Variants in CCNY observed in about 807,000 individuals in gnomAD.
The protein encoded by CCNY is cyclin Y, also known as cyclin-Y.
Under a neutral mutation model 42.8 loss-of-function variants are expected in CCNY, and 19 were observed. The ratio of observed to expected loss-of-function variants is 0.44; its 90% CI spans 0.31 to 0.65. The LOEUF is 0.65. Among genes scored for constraint, CCNY ranks in the 30% least tolerant of loss-of-function variants. CCNY has a pLI of 0.07. For missense variants in CCNY, 370 were observed against 437.3 expected (o/e 0.85, Z 1.37); for synonymous variants, 165 against 162.7 (o/e 1.01, Z -0.11).
chr10:35,297,206 C>T (rs994302685), intron 3 of CCNY, among the ~76,000 whole-genome samples: 3 of 151,394 alleles, frequency 2.0e-5, no homozygotes, highest in African/African-American at 4.9e-5. Context: ...GTTCAACACA[C>T]GGAAATCAAT....
At chr10:35,502,537 A>T (rs1840131919) in intron 3 of CCNY, among the ~76,000 whole-genome samples, 1 of 152,222 alleles carries the variant, frequency 6.6e-6, no homozygotes, top group African/African-American at 2.4e-5. Flanking sequence ...ACATGATGCT[A>T]CGCCCTTAGG....
chr10:35,520,795 G>A (rs1488652731), intron 4 of CCNY, among the ~76,000 whole-genome samples: 4 of 152,130 alleles, frequency 2.6e-5, no homozygotes, highest in Non-Finnish European at 4.4e-5. Context: ...TCCCCTAAAT[G>A]CCAACAGCTG....
chr10:35,553,893 G>C (rs1421762848), intron 8 of CCNY, among the ~76,000 whole-genome samples: 1 of 152,152 alleles, frequency 6.6e-6, no homozygotes, highest in African/African-American at 2.4e-5. Flanking sequence ...CTAGGGACTG[G>C]GAATCCAGGA....
chr10:35,331,895 T>C (rs1835948601), upstream of CCNY, among the ~76,000 whole-genome samples: 1 of 151,114 alleles, frequency 6.6e-6, no homozygotes, highest in African/African-American at 2.4e-5. Flanking sequence ...TGCTGGAAAC[T>C]TGTTCTTGTG....
intron 1 of CCNY, among the ~76,000 whole-genome samples, chr10:35,410,090 A>G (rs1589101540): frequency 6.6e-6 from 1 of 152,222 alleles, no homozygotes; most frequent in East Asian, 1.9e-4. Context: ...AAGCAAAGGA[A>G]GGAAAAATAT....
At chr10:35,452,488 T>G (rs1176979514) in intron 1 of CCNY, among the ~76,000 whole-genome samples, 1 of 152,234 alleles carries the variant, frequency 6.6e-6, no homozygotes, top group Non-Finnish European at 1.5e-5. Context: ...AATGAAACAG[T>G]ATTCCTATTC....
chr10:35,362,892 C>G (rs998986670), intron 1 of CCNY, among the ~76,000 whole-genome samples: 7 of 151,440 alleles, frequency 4.6e-5, no homozygotes, highest in African/African-American at 1.7e-4. Context: ...GTACTCCTTG[C>G]TTCCCAGATA....
rs569411532 is a variant in CCNY, at chr10:35,249,963, G to A, written c.-113-559G>A. The stretch of plus-strand genomic sequence containing the variant: ...TAATCCCAGCACTTTGGGAGGCCGA[G>A]GCAGGTGCATCACAAGGTCAGGAGA... On this transcript the variant is annotated intron_variant, in intron 2 of 11. Transcript: ENST00000374706. Among the ~76,000 whole-genome samples the A allele has an allele frequency of 1.4e-4, 22 of 152,288 alleles. No homozygotes were observed. The South Asian group carries it at 4.3e-3, about 30-fold the overall frequency.
At chr10:35,552,910 A>G in intron 7 of CCNY, 109 bp from the exon 8 acceptor site, 1 of 1,117,382 alleles carries the variant, frequency 8.9e-7, no homozygotes, top group South Asian at 1.5e-5. Flanking sequence ...ATTGGGTAAT[A>G]AATTCCCATT....
chr10:35,324,685 T>C (rs773579553), intron 3 of CCNY, among the ~76,000 whole-genome samples: 2 of 152,240 alleles, frequency 1.3e-5, no homozygotes, highest in Non-Finnish European at 1.5e-5. Context: ...CTCATACTTA[T>C]GCAGAACCAA....
At chr10:35,535,728 T>C (rs1840873281) in intron 7 of CCNY, among the ~76,000 whole-genome samples, 1 of 152,184 alleles carries the variant, frequency 6.6e-6, no homozygotes, top group African/African-American at 2.4e-5. Flanking sequence ...ATAACCACAA[T>C]TTACCTAGCG....
intron 1 of CCNY, among the ~76,000 whole-genome samples, chr10:35,430,091 A>T (rs1363677619): frequency 6.6e-6 from 1 of 151,916 alleles, no homozygotes; most frequent in Non-Finnish European, 1.5e-5. Flanking sequence ...TAATCCCAGC[A>T]CTTTGGGAGG....
At chr10:35,522,130 A>G (rs1435064951) in intron 4 of CCNY, among the ~76,000 whole-genome samples, 1 of 152,152 alleles carries the variant, frequency 6.6e-6, no homozygotes, top group Admixed American at 6.5e-5. Flanking sequence ...CTGCCTCTAG[A>G]AAAAAACCCA....
At chr10:35,354,960 T>C (rs890648691) in intron 1 of CCNY, among the ~76,000 whole-genome samples, 3 of 152,190 alleles carry the variant, frequency 2.0e-5, no homozygotes, top group African/African-American at 7.2e-5. Flanking sequence ...TTTTTCTTTG[T>C]CTACACATGG....
In CCNY at chr10:35,337,211, AG is replaced by A; in HGVS notation, c.154+5del. 6.5e-7 allele frequency: 1 copy of A among 1,528,670 alleles called. No individual in the cohort carries two copies. Among genetic ancestry groups the A allele is most frequent in the Non-Finnish European group, 8.8e-7 (1 of 1,135,908 alleles). 94.7% of individuals were successfully genotyped at this position (1,528,670 alleles called of 1,614,324 possible). On this transcript the variant is annotated splice_donor_5th_base_variant and intron_variant, in intron 1 of 9. Coordinates refer to ENST00000374704, the MANE Select transcript of CCNY (RefSeq NM_145012.6). ...AGCGACCGGGAGAACATAGACGGTG[AG>A]TGCGGCCCGCCGAGCCCCCTACCCG...
chr10:35,297,105 G>A (rs1194384654), intron 3 of CCNY, among the ~76,000 whole-genome samples: 3 of 151,664 alleles, frequency 2.0e-5, no homozygotes, highest in Non-Finnish European at 2.9e-5. Context: ...AATCCACCGT[G>A]ATTGAGTAGA....
chr10:35,457,321 T>C (rs1839058174), intron 1 of CCNY, among the ~76,000 whole-genome samples: 1 of 152,212 alleles, frequency 6.6e-6, no homozygotes, highest in South Asian at 2.1e-4. Context: ...CTTGCTTCAG[T>C]CCCGTCGCAG....
chr10:35,261,931 GA>G (rs1278989131), intron 3 of CCNY, among the ~76,000 whole-genome samples: 1 of 152,066 alleles, frequency 6.6e-6, no homozygotes, highest in East Asian at 1.9e-4. Flanking sequence ...TAAGGCAAGA[GA>G]ATTACTTGAA....
chr10:35,364,945 C>A (rs976222248), intron 1 of CCNY, among the ~76,000 whole-genome samples: 3 of 152,180 alleles, frequency 2.0e-5, no homozygotes, highest in Non-Finnish European at 2.9e-5. Flanking sequence ...TCCAAGCTCA[C>A]CATGTATATG....
Sources: allele counts gnomAD v4.1 joint callset (sites outside exome capture counted in the v4.1 genomes callset), GRCh38; gene constraint gnomAD v4.1.1; transcripts MANE v1.5; gene names NCBI Gene and HGNC (gene_info 2026-07-23, HGNC 2026-07-21).